B3GALT5: variants seen among roughly 807,000 people sequenced by gnomAD.
B3GALT5 encodes beta-1,3-galactosyltransferase 5.
For missense variants in B3GALT5, 328 were observed against 396.6 expected, an observed-to-expected ratio of 0.83 and a Z score of 1.47; for synonymous variants, 156 against 158.6, an observed-to-expected ratio of 0.98 and a Z score of 0.12.
In B3GALT5 at chr21:39,636,864, C is replaced by T. The variant is rs1277038048; in HGVS notation, c.-391-9528C>T. Among the ~76,000 whole-genome samples the T allele has an allele frequency of 2.0e-5, 3 of 152,144 alleles. 1 individual carries two copies. In the South Asian group the frequency reaches 6.2e-4, roughly 31 times the overall value. On this transcript the variant is annotated intron_variant, in intron 1 of 3. Transcript: ENST00000684187. The stretch of plus-strand genomic sequence containing the variant: ...TGGGGAGCAGAGCACACAGAGCATG[C>T]TCAGAACGTGGTGGTGGAAGGGATC...
intron 1 of B3GALT5, among the ~76,000 whole-genome samples, chr21:39,641,520 C>T (rs561552419): frequency 1.6e-4 from 24 of 152,064 alleles, no homozygotes; most frequent in Non-Finnish European, 3.5e-4. Context: ...CTTGAATTCC[C>T]TTTACCGCGT....
At chr21:39,644,052 TC>T (rs2146202923) in intron 1 of B3GALT5, among the ~76,000 whole-genome samples, 2 of 152,202 alleles carry the variant, frequency 1.3e-5, no homozygotes, top group South Asian at 4.2e-4. Context: ...GATTTTGAGG[TC>T]TTTAGTATTT....
intron 1 of B3GALT5, among the ~76,000 whole-genome samples, chr21:39,626,086 C>T (rs1451014004): frequency 6.6e-6 from 1 of 152,134 alleles, no homozygotes; most frequent in African/African-American, 2.4e-5. Context: ...GTCATTTCTC[C>T]TCCCTACCCC....
chr21:39,653,646 G>A (rs1397738373), intron 2 of B3GALT5, among the ~76,000 whole-genome samples: 1 of 152,190 alleles, frequency 6.6e-6, no homozygotes, highest in Non-Finnish European at 1.5e-5. Flanking sequence ...CAACCTAGAG[G>A]GCAGATTTCT....
chr21:39,670,982 C>G lies in B3GALT5; in HGVS notation c.*9490C>G, dbSNP rs761499562. 7.9e-5 allele frequency: 12 copies of G among 152,248 alleles called. No homozygotes were observed. Among genetic ancestry groups the G allele is most frequent in the Non-Finnish European group, 1.8e-4 (12 of 68,052 alleles). The allele number at this position is 152,248 out of a possible 1,614,324, so 9.4% of individuals were successfully genotyped here. A position where few individuals can be genotyped will look rare whatever the true frequency, so the allele number is the denominator to read the frequency against. Reference sequence around the variant, plus strand: ...TTATAGACAATAGAAATTAATCTGGCTCATGGTTCTAGAGGCTAGGAAGTC... The same window carrying G: ...TTATAGACAATAGAAATTAATCTGGGTCATGGTTCTAGAGGCTAGGAAGTC... On this transcript the variant is annotated 3_prime_UTR_variant, in exon 4 of 4. Coordinates refer to ENST00000684187, the MANE Select transcript of B3GALT5 (RefSeq NM_001356336.2).
intron 1 of B3GALT5, among the ~76,000 whole-genome samples, chr21:39,621,956 A>G (rs957405142): frequency 6.6e-5 from 10 of 151,768 alleles, no homozygotes; most frequent in Non-Finnish European, 1.0e-4. Flanking sequence ...TCAAATGTTT[A>G]TTGCTCTTTT....
At position 39,665,610 on chromosome 21, in the gene B3GALT5, C is replaced by T. The variant is rs1326055571; in HGVS notation, c.*4118C>T. ...CTTTGCCCTATGTGCCCATCCCCGT[C>T]AGCCTTGGCACTGGCTGTCCTCTCT... On this transcript the variant is annotated 3_prime_UTR_variant, in exon 4 of 4. Transcript: ENST00000684187. 3 of 152,324 alleles carry T rather than the reference C, an allele frequency of 2.0e-5. No homozygotes were observed. Among genetic ancestry groups the T allele is most frequent in the Non-Finnish European group, 2.9e-5 (2 of 68,132 alleles). 9.4% of individuals were successfully genotyped at this position (152,324 alleles called of 1,614,324 possible).
At chr21:39,634,765 G>A (rs2079215192) in intron 1 of B3GALT5, among the ~76,000 whole-genome samples, 1 of 152,020 alleles carries the variant, frequency 6.6e-6, no homozygotes, top group African/African-American at 2.4e-5. Context: ...TTCAGGCCAG[G>A]CCAGGTGATC....
At chr21:39,638,508 C>A (rs1031451724) in intron 1 of B3GALT5, among the ~76,000 whole-genome samples, 1 of 152,144 alleles carries the variant, frequency 6.6e-6, no homozygotes, top group Admixed American at 6.5e-5. Context: ...CCTCCTGGCT[C>A]CCCCATCTGC....
intron 1 of B3GALT5, among the ~76,000 whole-genome samples, chr21:39,643,754 C>T (rs943336795): frequency 1.3e-5 from 2 of 152,124 alleles, no homozygotes; most frequent in African/African-American, 4.8e-5. Flanking sequence ...AGAGATGCTC[C>T]TTGATGAGGG....
At chr21:39,654,052 G>A (rs1337654477) in intron 2 of B3GALT5, among the ~76,000 whole-genome samples, 1 of 152,164 alleles carries the variant, frequency 6.6e-6, no homozygotes, top group Non-Finnish European at 1.5e-5. Context: ...ATGTCTTAGT[G>A]GACATAAGCA....
chr21:39,663,917 G>C lies in B3GALT5; in HGVS notation c.*2425G>C, dbSNP rs1006206733. 1 of 152,366 alleles carries C rather than the reference G, an allele frequency of 6.6e-6. No individual in the cohort carries two copies. The allele number at this position is 152,366 out of a possible 1,614,324, so 9.4% of individuals were successfully genotyped here. A position where few individuals can be genotyped will look rare whatever the true frequency, so the allele number is the denominator to read the frequency against. ...AGCAGTGCTTCCCCAGGAACACCCA[G>C]CGCTAGCTCCAGAGTGGGAATGGAG... is the stretch of plus-strand genomic sequence containing the variant. On this transcript the variant is annotated 3_prime_UTR_variant, in exon 4 of 4. Coordinates refer to ENST00000684187, the MANE Select transcript of B3GALT5 (RefSeq NM_001356336.2).
chr21:39,634,716 T>C (rs1569210225), intron 1 of B3GALT5, among the ~76,000 whole-genome samples: 1 of 152,072 alleles, frequency 6.6e-6, no homozygotes, highest in Non-Finnish European at 1.5e-5. Context: ...GCATATTGGT[T>C]CTCAAAGTGT....
At chr21:39,623,194 C>T (rs1203908910) in intron 1 of B3GALT5, among the ~76,000 whole-genome samples, 2 of 108,564 alleles carry the variant, frequency 1.8e-5, no homozygotes, top group South Asian at 4.1e-4. Flanking sequence ...ATCCATCCCT[C>T]CCTCCTTCCT....
intron 1 of B3GALT5, among the ~76,000 whole-genome samples, chr21:39,628,159 C>T (rs915988779): frequency 6.6e-6 from 1 of 152,068 alleles, no homozygotes. Flanking sequence ...TAGACAAAGA[C>T]TTTAAAATCG....
At position 39,662,891 on chromosome 21, in the gene B3GALT5, T is replaced by C. The variant is rs2079542914; in HGVS notation, c.*1399T>C. On this transcript the variant is annotated 3_prime_UTR_variant, in exon 4 of 4. Coordinates refer to ENST00000684187, the MANE Select transcript of B3GALT5 (RefSeq NM_001356336.2). ...TATAAATGTTGGACTAAACTCTTAC[T>C]TGAACTCAGGAAAAGTTACTTGCTG... is the stretch of plus-strand genomic sequence containing the variant. 1 of 166,414 alleles carries C rather than the reference T, an allele frequency of 6.0e-6. No individual in the cohort carries two copies. Among genetic ancestry groups the C allele is most frequent in the South Asian group, 2.1e-4 (1 of 4,834 alleles). 10.3% of individuals were successfully genotyped at this position (166,414 alleles called of 1,614,324 possible). A position where few individuals can be genotyped will look rare whatever the true frequency, so the allele number is the denominator to read the frequency against.
rs563088345 is a variant in B3GALT5, at chr21:39,672,648, G to T, written c.*11156G>T. ...ATTGATGTGATAATTCACTCTTCCC[G>T]AAAAATTGGCAAGGTAATGGTCTGA... is the stretch of plus-strand genomic sequence containing the variant. On this transcript the variant is annotated 3_prime_UTR_variant, in exon 4 of 4. Transcript: ENST00000684187. 1 of 152,172 alleles carries T rather than the reference G, an allele frequency of 6.6e-6. No individual in the cohort carries two copies. The highest frequency in any genetic ancestry group is 6.5e-5 in the Admixed American group (1 of 15,282). 9.4% of individuals were successfully genotyped at this position (152,172 alleles called of 1,614,324 possible). A position where few individuals can be genotyped will look rare whatever the true frequency, so the allele number is the denominator to read the frequency against.
At chr21:39,659,317 C>A (rs1470998049) in intron 2 of B3GALT5, among the ~76,000 whole-genome samples, 4 of 152,182 alleles carry the variant, frequency 2.6e-5, no homozygotes, top group African/African-American at 9.7e-5. Context: ...TTCTTGCTGT[C>A]CTCTCTGTCC....
At position 39,668,050 on chromosome 21, in the gene B3GALT5, T is replaced by A. The variant is rs1474800122; in HGVS notation, c.*6558T>A. On this transcript the variant is annotated 3_prime_UTR_variant, in exon 4 of 4. Transcript: ENST00000684187. ...TGCCTAGCACTGGGTGCAGGCTGAA[T>A]GCATGGGCTGCTATCGCGATGTTGT... 1 of 152,278 alleles carries A rather than the reference T, an allele frequency of 6.6e-6. No homozygotes were observed. The highest frequency in any genetic ancestry group is 1.5e-5 in the Non-Finnish European group (1 of 68,064). 9.4% of individuals were successfully genotyped at this position (152,278 alleles called of 1,614,324 possible). A position where few individuals can be genotyped will look rare whatever the true frequency, so the allele number is the denominator to read the frequency against.
Sources: allele counts gnomAD v4.1 joint callset (sites outside exome capture counted in the v4.1 genomes callset), GRCh38; gene constraint gnomAD v4.1.1; transcripts MANE v1.5; gene names NCBI Gene and HGNC (gene_info 2026-07-23, HGNC 2026-07-21).